The following NRP1 variants were observed in gnomAD, a reference collection of about 807,000 sequenced individuals.
The protein encoded by NRP1 is neuropilin 1.
A neutral mutation model predicts 106.7 loss-of-function variants in NRP1; 35 were observed. The observed-to-expected ratio is 0.33, with a 90% CI of 0.25 to 0.43. The LOEUF is 0.43. Among genes scored for constraint, NRP1 ranks in the 20% least tolerant of loss-of-function variants. The pLI is 1.00. For synonymous variants in NRP1, 437 were observed against 417.9 expected, an observed-to-expected ratio of 1.05 and a Z score of -0.56; for missense variants, 1,024 against 1,170.4, an observed-to-expected ratio of 0.87 and a Z score of 1.83.
intron 5 of NRP1, among the ~76,000 whole-genome samples, chr10:33,255,454 C>G (rs1314953536): frequency 3.3e-5 from 5 of 152,022 alleles, no homozygotes; most frequent in Non-Finnish European, 7.4e-5. Context: ...TTTCTTTGTT[C>G]TTTTTTGTTG....
chr10:33,310,412 A>G (rs1846515291), intron 2 of NRP1, among the ~76,000 whole-genome samples: 2 of 151,590 alleles, frequency 1.3e-5, no homozygotes, highest in Non-Finnish European at 2.9e-5. Context: ...CACCACGCCT[A>G]GCTAATTTTT....
intron 2 of NRP1, among the ~76,000 whole-genome samples, chr10:33,310,856 G>A (rs1323569296): frequency 6.6e-6 from 1 of 152,154 alleles, no homozygotes; most frequent in Non-Finnish European, 1.5e-5. Flanking sequence ...CCCGGCTTGG[G>A]ATGTGGGGAA....
chr10:33,215,424 C>T (rs1313955169), intron 8 of NRP1, among the ~76,000 whole-genome samples: 1 of 152,196 alleles, frequency 6.6e-6, no homozygotes, highest in Non-Finnish European at 1.5e-5. Flanking sequence ...TGAACAGCAT[C>T]ATAGACCTTT....
At chr10:33,269,648 G>A (rs1843158029) in intron 3 of NRP1, among the ~76,000 whole-genome samples, 1 of 152,160 alleles carries the variant, frequency 6.6e-6, no homozygotes, top group South Asian at 2.1e-4. Flanking sequence ...CACACAGCAG[G>A]AGGCGAGTGG....
chr10:33,202,351 G>C (rs748671793), intron 11 of NRP1: 3 of 285,448 alleles, frequency 1.1e-5, no homozygotes, highest in African/African-American at 2.2e-5. Context: ...TGCATTTGCT[G>C]GTCGGTGGTG....
At chr10:33,275,681 T>C in intron 2 of NRP1, among the ~76,000 whole-genome samples, 1 of 151,682 alleles carries the variant, frequency 6.6e-6, no homozygotes. Context: ...AAGGATTGCC[T>C]GAGGCCAGGA....
intron 7 of NRP1, among the ~76,000 whole-genome samples, chr10:33,223,507 G>A (rs1839423140): frequency 6.6e-6 from 1 of 151,968 alleles, no homozygotes; most frequent in African/African-American, 2.4e-5. Context: ...GCATGCCTGT[G>A]GTCTCAGCTA....
intron 2 of NRP1, among the ~76,000 whole-genome samples, chr10:33,315,806 T>G (rs918541492): frequency 1.3e-5 from 2 of 152,192 alleles, no homozygotes; most frequent in African/African-American, 4.8e-5. Flanking sequence ...GGATGATAAG[T>G]AACATTTTGA....
Position 33,194,023 on chromosome 10 carries a change from T to C in NRP1, c.1925-1605A>G, listed in dbSNP as rs574241340. On this transcript the variant is annotated intron_variant, in intron 12 of 16. Transcript: ENST00000374867. ...ACTTTCATTTAGTGCAAACAGGCTA[T>C]ATTTCACAGCTGTAGTGTCATCGGA... Among the ~76,000 whole-genome samples the C allele has an allele frequency of 2.6e-5, 4 of 152,294 alleles. 1 individual carries two copies. In the South Asian group the frequency reaches 8.3e-4, roughly 32 times the overall value.
chr10:33,310,093 G>C (rs1234695247), intron 2 of NRP1, among the ~76,000 whole-genome samples: 2 of 151,234 alleles, frequency 1.3e-5, no homozygotes, highest in Non-Finnish European at 2.9e-5. Flanking sequence ...GACTACAGAC[G>C]CCCGCCACCA....
chr10:33,181,202 TG>T (rs1835666361), intron 16 of NRP1, among the ~76,000 whole-genome samples: 1 of 152,218 alleles, frequency 6.6e-6, no homozygotes, highest in Non-Finnish European at 1.5e-5. Context: ...ACAATATGCC[TG>T]GGGTTTACTT....
intron 2 of NRP1, among the ~76,000 whole-genome samples, chr10:33,280,349 T>TCTAGTGTCAG (rs1272418022): frequency 6.6e-6 from 1 of 152,236 alleles, no homozygotes; most frequent in Non-Finnish European, 1.5e-5. Context: ...GATGGAATCT[T>TCTAGTGTCAG]CTAGTGTCAG....
At chr10:33,317,736 C>T (rs757121828) in intron 2 of NRP1, among the ~76,000 whole-genome samples, 9 of 152,288 alleles carry the variant, frequency 5.9e-5, no homozygotes, top group Middle Eastern at 3.4e-3. Context: ...TCATCAAGTT[C>T]GTGACACTGA....
chr10:33,308,526 G>A (rs941131926), intron 2 of NRP1, among the ~76,000 whole-genome samples: 10 of 151,682 alleles, frequency 6.6e-5, no homozygotes, highest in African/African-American at 9.7e-5. Flanking sequence ...TCACTCTGTC[G>A]CCCACGCTGG....
At chr10:33,288,320 T>G (rs1247925410) in intron 2 of NRP1, 1 of 152,202 alleles carries the variant, frequency 6.6e-6, no homozygotes, top group Non-Finnish European at 1.5e-5. Context: ...GGAGTCTCAC[T>G]GTGTTGCCTT....
chr10:33,258,294 T>C (rs1459839568), intron 4 of NRP1, among the ~76,000 whole-genome samples: 1 of 152,194 alleles, frequency 6.6e-6, no homozygotes, highest in Non-Finnish European at 1.5e-5. Context: ...ATAACTAAAG[T>C]AAACCAAAAT....
intron 2 of NRP1, among the ~76,000 whole-genome samples, chr10:33,302,610 G>A (rs553765075): frequency 3.1e-4 from 47 of 152,336 alleles, no homozygotes; most frequent in African/African-American, 1.1e-3. Context: ...GGAGAAGTAA[G>A]TTGCAGCTGC....
chr10:33,228,032 T>C (rs534555776), intron 6 of NRP1, among the ~76,000 whole-genome samples: 1 of 151,516 alleles, frequency 6.6e-6, no homozygotes, highest in South Asian at 2.2e-4. Flanking sequence ...AGAAAACTCA[T>C]TACTAGTTTG....
intron 1 of NRP1, among the ~76,000 whole-genome samples, chr10:33,331,135 T>C (rs917459388): frequency 1.5e-4 from 23 of 152,154 alleles, no homozygotes; most frequent in Non-Finnish European, 2.9e-4. Context: ...CGAAGTTTCT[T>C]CCTAAGGAAA....
Sources: gnomAD v4.1 joint callset for allele counts (sites outside exome capture counted in the v4.1 genomes callset) on GRCh38, gnomAD v4.1.1 for gene constraint, MANE v1.5 for transcripts, NCBI Gene and HGNC (gene_info 2026-07-23, HGNC 2026-07-21) for gene names.